B4GALT1: variants seen among roughly 807,000 people sequenced by gnomAD.
The protein encoded by B4GALT1 is N-acetyllactosamine synthase.
Under a neutral mutation model 34.9 loss-of-function variants are expected in B4GALT1, and 16 were observed. The ratio of observed to expected loss-of-function variants is 0.46; its 90% confidence interval spans 0.31 to 0.70. The LOEUF is 0.70. Among genes scored for constraint, B4GALT1 ranks in the 30% least tolerant of loss-of-function variants. B4GALT1 has a pLI of 0.05. For synonymous variants in B4GALT1, 221 were observed against 218.1 expected (o/e 1.01, Z -0.12); for missense variants, 445 against 530.5 (o/e 0.84, Z 1.58).
chr9:33,138,573 G>A (rs768442161), intron 1 of B4GALT1, among the ~76,000 whole-genome samples: 2 of 152,112 alleles, frequency 1.3e-5, no homozygotes, highest in East Asian at 1.9e-4. Context: ...ATTTACCTAC[G>A]TCTCCTCTTA....
chr9:33,159,235 T>A (rs149889156), intron 1 of B4GALT1, among the ~76,000 whole-genome samples: 207 of 152,282 alleles, frequency 1.4e-3, no homozygotes, highest in African/African-American at 4.8e-3. Context: ...AGGAAGAAAC[T>A]TTGAAAGAAA....
chr9:33,126,050 C>T (rs1840088125), intron 2 of B4GALT1, among the ~76,000 whole-genome samples: 1 of 152,204 alleles, frequency 6.6e-6, no homozygotes, highest in South Asian at 2.1e-4. Flanking sequence ...TATACACATG[C>T]CCTGGCTCAT....
intron 1 of B4GALT1, among the ~76,000 whole-genome samples, chr9:33,137,007 A>G (rs919012509): frequency 6.6e-6 from 1 of 152,030 alleles, no homozygotes; most frequent in African/African-American, 2.4e-5. Flanking sequence ...TCCCCAGTAC[A>G]CATCTCACAT....
At chr9:33,143,915 T>C (rs1031403826) in intron 1 of B4GALT1, among the ~76,000 whole-genome samples, 1 of 151,912 alleles carries the variant, frequency 6.6e-6, no homozygotes, top group African/African-American at 2.4e-5. Flanking sequence ...TCTTGCTCTG[T>C]AGCCCAGGCT....
intron 4 of B4GALT1, among the ~76,000 whole-genome samples, chr9:33,114,124 G>A (rs543294991): frequency 7.2e-5 from 11 of 152,356 alleles, no homozygotes; most frequent in African/African-American, 2.4e-4. Flanking sequence ...CACTGGGGCC[G>A]TGTGCCCCAC....
intron 3 of B4GALT1, among the ~76,000 whole-genome samples, chr9:33,117,620 A>G (rs186221168): frequency 2.6e-5 from 4 of 152,362 alleles, no homozygotes; most frequent in African/African-American, 4.8e-5. Context: ...TTGAGGGGGA[A>G]GTCAGCCAAA....
At position 33,165,980 on chromosome 9, in the gene B4GALT1, C is replaced by T. The variant is rs1248626893; in HGVS notation, c.412+778G>A. Among the ~76,000 whole-genome samples, 3 of 152,244 alleles carry T rather than the reference C, an allele frequency of 2.0e-5. No individual in the cohort carries two copies. In the East Asian group the frequency reaches 5.8e-4, roughly 29 times the overall value. ...GTGGTGTTGACTGGTTATATTTTAG[C>T]CCTCTAACACCCAGAGTACACAAGC... On this transcript the variant is annotated intron_variant, in intron 1 of 5. Coordinates refer to ENST00000379731, the MANE Select transcript of B4GALT1 (RefSeq NM_001497.4).
At chr9:33,182,274 C>T in the B4GALT1 span, among the ~76,000 whole-genome samples, 1 of 152,222 alleles carries the variant, frequency 6.6e-6, no homozygotes, top group Non-Finnish European at 1.5e-5. Flanking sequence ...GATGTGTCCT[C>T]TCCTCTTATA....
chr9:33,170,491 A>T (rs1840830363), upstream of B4GALT1, among the ~76,000 whole-genome samples: 1 of 152,038 alleles, frequency 6.6e-6, no homozygotes, highest in Non-Finnish European at 1.5e-5. Context: ...AATTAAGTGG[A>T]GGGGGAAATG....
intron 2 of B4GALT1, among the ~76,000 whole-genome samples, chr9:33,127,372 G>C (rs539405418): frequency 2.4e-4 from 37 of 152,350 alleles, no homozygotes; most frequent in Admixed American, 6.5e-4. Context: ...GATATATCAA[G>C]ACAGTGGTGC....
chr9:33,138,156 C>A lies in B4GALT1; in HGVS notation c.413-2732G>T, dbSNP rs145956643. ...CTTCCGCGGGACAGACACCTGCAGGCTGGAAAGTGTCCTGGTGTTGCCCCA... is the reference window on the plus strand; with the variant it reads ...CTTCCGCGGGACAGACACCTGCAGGATGGAAAGTGTCCTGGTGTTGCCCCA... On this transcript the variant is annotated intron_variant, in intron 1 of 5. Transcript: ENST00000379731. Among the ~76,000 whole-genome samples the A allele has an allele frequency of 3.3e-4, 51 of 152,332 alleles. 1 individual carries two copies. The Middle Eastern group carries it at 0.017, about 51-fold the overall frequency.
At chr9:33,150,126 T>G (rs1422763790) in intron 1 of B4GALT1, among the ~76,000 whole-genome samples, 3 of 69,620 alleles carry the variant, frequency 4.3e-5, no homozygotes, top group East Asian at 8.2e-4. Flanking sequence ...AAAGGAGATA[T>G]ATATAGATAT....
intron 1 of B4GALT1, among the ~76,000 whole-genome samples, chr9:33,151,040 G>C (rs1840510375): frequency 6.6e-6 from 1 of 152,150 alleles, no homozygotes; most frequent in Non-Finnish European, 1.5e-5. Flanking sequence ...TCCTTCCAGG[G>C]CTGTACAAAG....
At chr9:33,162,967 T>A (rs1240522972) in intron 1 of B4GALT1, among the ~76,000 whole-genome samples, 2 of 152,096 alleles carry the variant, frequency 1.3e-5, no homozygotes, top group Admixed American at 1.3e-4. Flanking sequence ...ATACATTATT[T>A]TCCACGAAAA....
rs1378609576 is a variant in B4GALT1, at chr9:33,135,329, T to A, written c.508A>T (p.Arg170Trp). Residue 170 changes from arginine (R) to tryptophan (W), a missense_variant, in exon 2 of 6, where the codon AGG (arginine) becomes TGG (tryptophan). By Grantham distance (101) the Arg-to-Trp change is moderately radical. This residue lies in a region of B4GALT1 where 349 missense variants were observed against 395.5 expected (regional missense o/e 0.88). Coordinates refer to ENST00000379731, the MANE Select transcript of B4GALT1 (RefSeq NM_001497.4). ...NVKMGGRYAPRDCVSPHKVAI... is the reference protein window; with the variant it reads ...NVKMGGRYAPWDCVSPHKVAI... ...ACCTTGTGAGGAGAGACGCAGTCCC[T>A]GGGGGCATAGCGGCCGCCCATCTTC... 2.5e-6 allele frequency: 4 copies of A among 1,614,194 alleles called. No homozygotes were observed. In the African/African-American group the frequency reaches 4.0e-5, roughly 16 times the overall value.
chr9:33,116,309 G>A (rs751389518), intron 3 of B4GALT1, among the ~76,000 whole-genome samples, 196 bp from the exon 4 acceptor site: 5 of 152,088 alleles, frequency 3.3e-5, no homozygotes, highest in Admixed American at 1.3e-4. Flanking sequence ...TAGGCTCACT[G>A]CAACTTCCGC....
chr9:33,171,508 T>A (rs1257994086), upstream of B4GALT1, among the ~76,000 whole-genome samples: 1 of 152,164 alleles, frequency 6.6e-6, no homozygotes, highest in Non-Finnish European at 1.5e-5. Flanking sequence ...TAAAACAAGT[T>A]TATAGGGCAG....
At chr9:33,149,649 A>G (rs1299474507) in intron 1 of B4GALT1, among the ~76,000 whole-genome samples, 5 of 152,212 alleles carry the variant, frequency 3.3e-5, no homozygotes, top group Admixed American at 2.0e-4. Context: ...TGCCACTACA[A>G]TGAAATCCTC....
intron 1 of B4GALT1, among the ~76,000 whole-genome samples, chr9:33,153,932 G>A (rs909289528): frequency 1.3e-5 from 2 of 150,442 alleles, no homozygotes; most frequent in African/African-American, 4.9e-5. Flanking sequence ...TTTTCTGACA[G>A]TGGTAAACAA....
Sources: allele counts gnomAD v4.1 joint callset (sites outside exome capture counted in the v4.1 genomes callset), GRCh38; gene constraint gnomAD v4.1.1; regional missense constraint gnomAD v4.1.1; transcripts MANE v1.5; gene names NCBI Gene and HGNC (gene_info 2026-07-23, HGNC 2026-07-21).